Variants in PRKN observed in about 807,000 individuals in gnomAD.
PRKN encodes parkin RBR E3 ubiquitin protein ligase.
Under a neutral mutation model 59.5 loss-of-function variants are expected in PRKN, and 56 were observed. That is an observed-to-expected ratio of 0.94 (90% CI 0.76 to 1.18). The LOEUF is 1.18. PRKN is among the 50% of genes most tolerant of loss of function. PRKN has a pLI of 0.00. For synonymous variants in PRKN, 250 were observed against 222.1 expected (o/e 1.13, Z -1.12); for missense variants, 657 against 596.4 (o/e 1.10, Z -1.06).
At position 161,484,469 on chromosome 6, in the gene PRKN, G is replaced by A. The variant is rs894313099; in HGVS notation, c.1083+64385C>T. Among the ~76,000 whole-genome samples the A allele has an allele frequency of 5.3e-5, 8 of 152,102 alleles. No homozygotes were observed. The South Asian group carries it at 6.2e-4, about 12-fold the overall frequency. The stretch of plus-strand genomic sequence containing the variant: ...GCGTCCCAAGTGCTTAGTAAGCATC[G>A]ATTAGTTTCATTTTTACAACCATCT... On this transcript the variant is annotated intron_variant, in intron 9 of 11. Transcript: ENST00000366898. The surrounding 1 kb of genome is among the most constrained non-coding windows in gnomAD (Gnocchi z 4.9).
intron 9 of PRKN, among the ~76,000 whole-genome samples, chr6:161,510,211 A>T (rs914172768): frequency 4.6e-5 from 7 of 152,260 alleles, no homozygotes; most frequent in African/African-American, 1.7e-4. Context: ...GAAATTCCAG[A>T]TGCAGTGGCT....
chr6:162,720,704 C>G (rs1323868887), intron 1 of PRKN, among the ~76,000 whole-genome samples: 1 of 151,942 alleles, frequency 6.6e-6, no homozygotes, highest in African/African-American at 2.4e-5. Flanking sequence ...CCCGCCTCGG[C>G]CTCCCAAGGT....
At position 162,056,022 on chromosome 6, in the gene PRKN, C is replaced by T. The variant is rs573208700; in HGVS notation, c.535-1848G>A. Among the ~76,000 whole-genome samples, 1 of 135,264 alleles carries T rather than the reference C, an allele frequency of 7.4e-6. No homozygotes were observed. Among genetic ancestry groups the T allele is most frequent in the African/African-American group, 2.6e-5 (1 of 38,772 alleles). The allele number at this position is 135,264 out of a possible 152,430, so 88.7% of individuals were successfully genotyped here. A position where few individuals can be genotyped will look rare whatever the true frequency, so the allele number is the denominator to read the frequency against. On this transcript the variant is annotated intron_variant, in intron 4 of 11. Transcript: ENST00000366898. The surrounding 1 kb of genome is among the most constrained non-coding windows in gnomAD (Gnocchi z 4.9). ...GCACGCACACAGGCATGCACGCACA[C>T]AGCATGCCACACACCACACATGCAT...
At chr6:161,599,048 G>A (rs1479577546) in intron 7 of PRKN, among the ~76,000 whole-genome samples, 1 of 152,140 alleles carries the variant, frequency 6.6e-6, no homozygotes, top group Non-Finnish European at 1.5e-5. Context: ...GCAGCCACAA[G>A]CCGAGGAATG....
At chr6:162,718,663 C>T (rs575037910) in intron 1 of PRKN, among the ~76,000 whole-genome samples, 4 of 151,618 alleles carry the variant, frequency 2.6e-5, no homozygotes, top group East Asian at 3.9e-4. Context: ...CAGTGAGCCG[C>T]GATCACGCCA....
intron 6 of PRKN, among the ~76,000 whole-genome samples, chr6:161,936,912 A>G (rs976095678): frequency 1.3e-5 from 2 of 151,898 alleles, no homozygotes; most frequent in African/African-American, 4.8e-5. Context: ...CAGCCTCCCA[A>G]GTAGCTGGGA....
At chr6:161,834,649 T>C (rs1311814934) in intron 6 of PRKN, among the ~76,000 whole-genome samples, 1 of 152,242 alleles carries the variant, frequency 6.6e-6, no homozygotes, top group East Asian at 1.9e-4. Context: ...ATTCTGCAAA[T>C]TGCTGGAAGC....
intron 9 of PRKN, among the ~76,000 whole-genome samples, chr6:161,512,821 A>G (rs1778445185): frequency 6.6e-6 from 1 of 152,244 alleles, no homozygotes; most frequent in African/African-American, 2.4e-5. Context: ...GGAAGTTAGC[A>G]TAATTACTTC....
chr6:162,344,317 C>A (rs1784308599), intron 2 of PRKN, among the ~76,000 whole-genome samples: 1 of 140,556 alleles, frequency 7.1e-6, no homozygotes, highest in East Asian at 2.0e-4. Context: ...ATCAGAGATT[C>A]CCTGTTTTAC....
At chr6:161,590,135 A>G (rs1489253677) in intron 7 of PRKN, among the ~76,000 whole-genome samples, 1 of 152,026 alleles carries the variant, frequency 6.6e-6, no homozygotes, top group East Asian at 1.9e-4. Context: ...TTTAGGATAT[A>G]TTTTACATCT....
intron 4 of PRKN, among the ~76,000 whole-genome samples, chr6:162,124,461 A>G (rs1781041895): frequency 6.6e-6 from 1 of 152,204 alleles, no homozygotes; most frequent in African/African-American, 2.4e-5. Flanking sequence ...AGCCTAAGCC[A>G]GGGATGAATA....
At chr6:162,593,349 T>C (rs1781380760) in intron 1 of PRKN, among the ~76,000 whole-genome samples, 1 of 152,222 alleles carries the variant, frequency 6.6e-6, no homozygotes, top group African/African-American at 2.4e-5. Flanking sequence ...CACGTCTATT[T>C]TGTGCTTTTG....
At position 161,379,094 on chromosome 6, in the gene PRKN, T is replaced by A. The variant is rs1420381397; in HGVS notation, c.1167+7700A>T. On this transcript the variant is annotated intron_variant, in intron 10 of 11. Transcript: ENST00000366898. This position sits in a 1 kb window ranked among gnomAD's most constrained non-coding sequence, Gnocchi z 4.9. The stretch of plus-strand genomic sequence containing the variant: ...ACTGACTCTCAGGAGCAGGCAGGGC[T>A]GCAGTTATAGAATGGGGTATTTAAA... 2.0e-5 allele frequency among the ~76,000 whole-genome samples: 3 copies of A among 152,180 alleles called. No homozygotes were observed. The highest frequency in any genetic ancestry group is 2.9e-5 in the Non-Finnish European group (2 of 68,034).
intron 1 of PRKN, among the ~76,000 whole-genome samples, chr6:162,578,401 A>C (rs2128210556): frequency 6.6e-6 from 1 of 152,348 alleles, no homozygotes; most frequent in South Asian, 2.1e-4. Context: ...ACAAAAGTTT[A>C]ACAGTCTGGG....
chr6:162,004,725 A>G (rs981385492), intron 5 of PRKN, among the ~76,000 whole-genome samples: 1 of 152,216 alleles, frequency 6.6e-6, no homozygotes, highest in Non-Finnish European at 1.5e-5. Context: ...AAACTCATTT[A>G]CCACACTGCA....
Position 161,413,651 on chromosome 6 carries a change from G to C in PRKN, c.1084-26774C>G, listed in dbSNP as rs1018864251. Among the ~76,000 whole-genome samples the C allele has an allele frequency of 6.6e-6, 1 of 152,130 alleles. No individual in the cohort carries two copies. The highest frequency in any genetic ancestry group is 2.4e-5 in the African/African-American group (1 of 41,416). On this transcript the variant is annotated intron_variant, in intron 9 of 11. Coordinates refer to ENST00000366898, the MANE Select transcript of PRKN (RefSeq NM_004562.3). The surrounding 1 kb of genome is among the most constrained non-coding windows in gnomAD (Gnocchi z 4.4). ...AGGCATGGGCTGCACCGGGTCCCAG[G>C]GACACCTGAGCACGTCTCAGGGCGC...
intron 7 of PRKN, among the ~76,000 whole-genome samples, chr6:161,745,019 T>C (rs1227415011): frequency 3.9e-5 from 6 of 152,216 alleles, no homozygotes; most frequent in African/African-American, 1.4e-4. Flanking sequence ...AAAATGTGCC[T>C]ATGTTTTCAC....
At chr6:161,973,744 G>A (rs1021073639) in intron 5 of PRKN, among the ~76,000 whole-genome samples, 1 of 152,196 alleles carries the variant, frequency 6.6e-6, no homozygotes, top group Non-Finnish European at 1.5e-5. Context: ...GTGGAGGTGG[G>A]AGGAAGCCTC....
At chr6:162,230,921 A>G (rs1461524875) in intron 3 of PRKN, among the ~76,000 whole-genome samples, 1 of 152,180 alleles carries the variant, frequency 6.6e-6, no homozygotes, top group African/African-American at 2.4e-5. Context: ...CTATCTCATA[A>G]AAAATATTTC....
Sources: gnomAD v4.1 joint callset for allele counts (sites outside exome capture counted in the v4.1 genomes callset) on GRCh38, gnomAD v4.1.1 for gene constraint, Gnocchi (gnomAD v3.1) non-coding constraint, MANE v1.5 for transcripts, NCBI Gene and HGNC (gene_info 2026-07-23, HGNC 2026-07-21) for gene names.